The following RASGRP3 variants were observed in gnomAD, a reference collection of about 807,000 sequenced individuals.
RASGRP3 encodes the protein ras guanyl-releasing protein 3.
In RASGRP3, 54 loss-of-function variants were observed where a neutral mutation model predicts 82.7. The ratio of observed to expected loss-of-function variants is 0.65; its 90% CI spans 0.52 to 0.82. RASGRP3 has a LOEUF of 0.82. RASGRP3 is among the 40% of genes least tolerant of loss of function. RASGRP3 has a pLI of 0.00. For missense variants in RASGRP3, 861 were observed against 828.9 expected, an observed-to-expected ratio of 1.04 and a Z score of -0.48; for synonymous variants, 309 against 300.5, an observed-to-expected ratio of 1.03 and a Z score of -0.29.
At chr2:33,480,384 G>T (rs148694871) in intron 1 of RASGRP3, among the ~76,000 whole-genome samples, 6 of 152,234 alleles carry the variant, frequency 3.9e-5, no homozygotes, top group Admixed American at 3.9e-4. Flanking sequence ...CCACCTGCCT[G>T]CTGCCTCTAA....
At chr2:33,494,888 G>C (rs1182609758) in intron 1 of RASGRP3, among the ~76,000 whole-genome samples, 1 of 152,164 alleles carries the variant, frequency 6.6e-6, no homozygotes, top group Middle Eastern at 3.2e-3. Context: ...ATTACAAGTG[G>C]AAATAAATAC....
chr2:33,513,155 T>A (rs1671099887), intron 2 of RASGRP3, among the ~76,000 whole-genome samples: 2 of 152,346 alleles, frequency 1.3e-5, no homozygotes, highest in Admixed American at 6.5e-5. Context: ...TGATCCAGCG[T>A]TTCTGCTGTT....
At chr2:33,521,702 C>T (rs1672050862) in intron 6 of RASGRP3, among the ~76,000 whole-genome samples, 1 of 152,236 alleles carries the variant, frequency 6.6e-6, no homozygotes, top group African/African-American at 2.4e-5. Flanking sequence ...CCAGACCTTG[C>T]CGGTCACAAA....
At chr2:33,523,760 G>T in intron 7 of RASGRP3, 119 bp from the exon 8 acceptor site, 1 of 1,060,530 alleles carries the variant, frequency 9.4e-7, no homozygotes, top group Non-Finnish European at 1.3e-6. Flanking sequence ...TTGTAAATGT[G>T]AAATAAAAGA....
chr2:33,444,294 C>A (rs2150875998), intron 1 of RASGRP3, among the ~76,000 whole-genome samples: 1 of 152,252 alleles, frequency 6.6e-6, no homozygotes, highest in African/African-American at 2.4e-5. Flanking sequence ...TGGGCAACAG[C>A]AAGACCCTTT....
rs544059055 is a variant in RASGRP3 at position 33,518,134 on chromosome 2, C to T, written c.173+1490C>T. ...GATACATTCTAAGAAATTCATCATT[C>T]GATGATTTCATGATTGTGCAAACAT... On this transcript the variant is annotated intron_variant, in intron 4 of 17. Coordinates refer to ENST00000403687, the MANE Select transcript of RASGRP3 (RefSeq NM_001139488.2). Among the ~76,000 whole-genome samples, 28 of 152,252 alleles carry T rather than the reference C, an allele frequency of 1.8e-4. No individual in the cohort carries two copies. In the East Asian group the frequency reaches 2.3e-3, roughly 13 times the overall value.
At chr2:33,465,069 G>A (rs1225793959) in intron 2 of RASGRP3, among the ~76,000 whole-genome samples, 2 of 152,182 alleles carry the variant, frequency 1.3e-5, no homozygotes, top group Non-Finnish European at 2.9e-5. Context: ...AGTGAGGAAG[G>A]TGTGCTGAAA....
At chr2:33,480,297 C>A (rs1667777881) in intron 1 of RASGRP3, among the ~76,000 whole-genome samples, 1 of 152,216 alleles carries the variant, frequency 6.6e-6, no homozygotes, top group African/African-American at 2.4e-5. Flanking sequence ...CCCGCCTCGG[C>A]CTCCCAAAGT....
chr2:33,500,932 C>CA (rs1047586731), intron 1 of RASGRP3, among the ~76,000 whole-genome samples: 18 of 152,068 alleles, frequency 1.2e-4, no homozygotes, highest in African/African-American at 4.1e-4. Flanking sequence ...GACTCCGTCT[C>CA]AAAAAAATAA....
chr2:33,494,685 A>T (rs933391750), intron 1 of RASGRP3, among the ~76,000 whole-genome samples: 8 of 152,222 alleles, frequency 5.3e-5, no homozygotes, highest in Admixed American at 5.2e-4. Context: ...AGGTAGCCCA[A>T]CGTACATTCT....
chr2:33,512,353 G>A (rs1671005059), intron 2 of RASGRP3, among the ~76,000 whole-genome samples: 1 of 152,156 alleles, frequency 6.6e-6, no homozygotes, highest in Non-Finnish European at 1.5e-5. Context: ...TTTAGTCTAG[G>A]CCTATTTGTT....
At chr2:33,474,264 G>A (rs751532880), upstream of RASGRP3, among the ~76,000 whole-genome samples, 1 of 152,176 alleles carries the variant, frequency 6.6e-6, no homozygotes, top group Non-Finnish European at 1.5e-5. Context: ...TTGGATCTTA[G>A]GGGCAGATTT....
chr2:33,480,911 A>AC (rs1262400547), intron 1 of RASGRP3, among the ~76,000 whole-genome samples: 1 of 152,132 alleles, frequency 6.6e-6, no homozygotes, highest in Non-Finnish European at 1.5e-5. Flanking sequence ...CTTTGAGCTC[A>AC]TCTTTGGTAT....
intron 1 of RASGRP3, among the ~76,000 whole-genome samples, chr2:33,502,843 T>C (rs1401624164): frequency 6.6e-6 from 1 of 152,188 alleles, no homozygotes; most frequent in Non-Finnish European, 1.5e-5. Flanking sequence ...CTTTACTTTA[T>C]GAAAAGCTAG....
intron 6 of RASGRP3, 28 bp from the exon 7 acceptor site, chr2:33,521,927 A>G (rs1289341726): frequency 7.5e-6 from 12 of 1,590,546 alleles, no homozygotes; most frequent in Non-Finnish European, 1.0e-5. Flanking sequence ...CTTTCAACAC[A>G]TTGACCGGAC....
chr2:33,465,220 G>T (rs949757620), intron 2 of RASGRP3, among the ~76,000 whole-genome samples: 2 of 152,172 alleles, frequency 1.3e-5, no homozygotes, highest in African/African-American at 4.8e-5. Context: ...AAGTTTTAGT[G>T]GTCTGGACAG....
intron 1 of RASGRP3, among the ~76,000 whole-genome samples, chr2:33,493,908 G>C (rs1669077958): frequency 6.6e-6 from 1 of 152,086 alleles, no homozygotes; most frequent in Non-Finnish European, 1.5e-5. Flanking sequence ...GTATCAAAAT[G>C]GCCAAAGGGT....
In RASGRP3 at chr2:33,527,472, G is replaced by A. The variant is rs569990402; in HGVS notation, c.1083+60G>A. 6 of 1,492,484 alleles carry A rather than the reference G, an allele frequency of 4.0e-6. No homozygotes were observed. In the South Asian group the frequency reaches 7.8e-5, roughly 19 times the overall value. The allele number at this position is 1,492,484 out of a possible 1,614,324, so 92.5% of individuals were successfully genotyped here. On this transcript the variant is annotated intron_variant, in intron 10 of 17. Transcript: ENST00000403687. ...TTCTTCTGCACCTTTCTTTCCAGGAGACACAGGAAGATGTGTGCCAGCAAT... is the reference window on the plus strand; with the variant it reads ...TTCTTCTGCACCTTTCTTTCCAGGAAACACAGGAAGATGTGTGCCAGCAAT...
intron 1 of RASGRP3, among the ~76,000 whole-genome samples, chr2:33,503,873 C>A (rs1015539011): frequency 6.6e-6 from 1 of 152,124 alleles, no homozygotes; most frequent in Non-Finnish European, 1.5e-5. Context: ...AAGCTTATCA[C>A]TGTCAATAGT....
Sources: allele counts gnomAD v4.1 joint callset (sites outside exome capture counted in the v4.1 genomes callset), GRCh38; gene constraint gnomAD v4.1.1; transcripts MANE v1.5; gene names NCBI Gene and HGNC (gene_info 2026-07-23, HGNC 2026-07-21).